The following UNC5D variants were observed in gnomAD, a reference collection of about 807,000 sequenced individuals.
UNC5D encodes netrin receptor UNC5D.
In UNC5D, 39 loss-of-function variants were observed where a neutral mutation model predicts 105.4. The ratio of observed to expected loss-of-function variants is 0.37; its 90% confidence interval spans 0.29 to 0.48. UNC5D has a LOEUF of 0.48. Among genes scored for constraint, UNC5D ranks in the 20% least tolerant of loss-of-function variants. The pLI, the probability that UNC5D is intolerant of heterozygous loss-of-function variation, is 0.98. For synonymous variants in UNC5D, 452 were observed against 450.4 expected (o/e 1.00, Z -0.04); for missense variants, 991 against 1,202.4 (o/e 0.82, Z 2.60).
rs79617262 is a variant in UNC5D at position 35,544,422 on chromosome 8, A to T, written c.104-4870A>T. On this transcript the variant is annotated intron_variant, in intron 1 of 16. Coordinates refer to ENST00000404895, the MANE Select transcript of UNC5D (RefSeq NM_080872.4). ...TAAGTAGGGATTGTTTAAAAAAAAA[A>T]GCTGTAATATGTTATCTGGGGGTGG... 4 of 1,606,672 alleles carry T rather than the reference A, an allele frequency of 2.5e-6. No individual in the cohort carries two copies. In the Admixed American group the frequency reaches 5.1e-5, roughly 21 times the overall value.
At chr8:35,459,109 A>G (rs753873534) in intron 1 of UNC5D, among the ~76,000 whole-genome samples, 7 of 151,992 alleles carry the variant, frequency 4.6e-5, no homozygotes, top group African/African-American at 1.4e-4. Flanking sequence ...TGATTGATGT[A>G]TTTTTCTTTT....
At chr8:35,782,653 G>A (rs1802556876) in intron 16 of UNC5D, among the ~76,000 whole-genome samples, 1 of 151,882 alleles carries the variant, frequency 6.6e-6, no homozygotes, top group South Asian at 2.1e-4. Flanking sequence ...ACAGGCGCCT[G>A]CCACCACAGC....
At chr8:35,535,495 A>G (rs1180673014) in intron 1 of UNC5D, among the ~76,000 whole-genome samples, 1 of 151,684 alleles carries the variant, frequency 6.6e-6, no homozygotes, top group Non-Finnish European at 1.5e-5. Context: ...ATCTTGAGGT[A>G]CAACAGCAGA....
intron 1 of UNC5D, among the ~76,000 whole-genome samples, chr8:35,247,522 C>CTA (rs1165778755): frequency 1.5e-4 from 18 of 118,576 alleles, no homozygotes; most frequent in South Asian, 2.4e-4. Flanking sequence ...CTCTCTCTCT[C>CTA]TATATATATA....
intron 1 of UNC5D, among the ~76,000 whole-genome samples, chr8:35,305,593 C>CTTTCTTTCTTTCTTTCT (rs1808306972): frequency 2.1e-5 from 3 of 142,010 alleles, no homozygotes; most frequent in African/African-American, 8.2e-5. Flanking sequence ...TTCTTTCTTT[C>CTTTCTTTCTTTCTTTCT]TTTCTTTCTT....
At chr8:35,630,967 T>A (rs957021478) in intron 4 of UNC5D, among the ~76,000 whole-genome samples, 22 of 152,332 alleles carry the variant, frequency 1.4e-4, no homozygotes, top group African/African-American at 3.8e-4. Context: ...TAAGACTAGG[T>A]TTTCTCCTTT....
intron 1 of UNC5D, among the ~76,000 whole-genome samples, chr8:35,319,214 C>A (rs1809529538): frequency 6.6e-6 from 1 of 152,062 alleles, no homozygotes; most frequent in Non-Finnish European, 1.5e-5. Flanking sequence ...GTAAAATATA[C>A]CCTTCAGGCA....
chr8:35,619,895 CAGTGTAGAG>C (rs1183495720), intron 4 of UNC5D, among the ~76,000 whole-genome samples: 10 of 152,150 alleles, frequency 6.6e-5, no homozygotes, highest in Non-Finnish European at 1.3e-4. Context: ...TTATGAGAGA[CAGTGTAGAG>C]AGTGTAGATG....
chr8:35,334,811 G>A (rs1298089607), intron 1 of UNC5D, among the ~76,000 whole-genome samples: 1 of 152,094 alleles, frequency 6.6e-6, no homozygotes, highest in African/African-American at 2.4e-5. Flanking sequence ...ACCACACCTG[G>A]CCTAAACTGT....
At chr8:35,724,157 A>G (rs1335658155) in intron 9 of UNC5D, 1 of 1,451,818 alleles carries the variant, frequency 6.9e-7, no homozygotes, top group African/African-American at 1.4e-5. Context: ...TGACTTGCCT[A>G]CACTTAAACT....
chr8:35,553,158 C>T (rs1169306347), intron 2 of UNC5D, among the ~76,000 whole-genome samples: 1 of 152,024 alleles, frequency 6.6e-6, no homozygotes, highest in African/African-American at 2.4e-5. Flanking sequence ...TCTTATATCC[C>T]TTCTCATATA....
chr8:35,601,782 GC>G (rs771233301), intron 4 of UNC5D, among the ~76,000 whole-genome samples: 57 of 152,140 alleles, frequency 3.7e-4, no homozygotes, highest in Middle Eastern at 3.4e-3. Context: ...CTAATTGAAT[GC>G]CCTTTATTTC....
intron 4 of UNC5D, among the ~76,000 whole-genome samples, chr8:35,605,356 G>T (rs541127649): frequency 1.3e-5 from 2 of 152,330 alleles, no homozygotes; most frequent in African/African-American, 4.8e-5. Context: ...CTGCAGAACA[G>T]CAGATGTTGG....
At chr8:35,520,063 GTT>G (rs1813358793) in intron 1 of UNC5D, among the ~76,000 whole-genome samples, 1 of 151,914 alleles carries the variant, frequency 6.6e-6, no homozygotes, top group African/African-American at 2.4e-5. Flanking sequence ...TTACACCTAG[GTT>G]ATACTCTACC....
At chr8:35,426,370 G>A in intron 1 of UNC5D, among the ~76,000 whole-genome samples, 1 of 151,940 alleles carries the variant, frequency 6.6e-6, no homozygotes, top group Non-Finnish European at 1.5e-5. Context: ...AGAGAATTAG[G>A]GAAAATAAAG....
chr8:35,479,354 ACTGTGGAGCCCT>A (rs1810324015), intron 1 of UNC5D, among the ~76,000 whole-genome samples: 1 of 152,180 alleles, frequency 6.6e-6, no homozygotes. Flanking sequence ...CAATCCCATG[ACTGTGGAGCCCT>A]CTATTAACAA....
chr8:35,395,635 T>G (rs1295861426), intron 1 of UNC5D, among the ~76,000 whole-genome samples: 2 of 152,220 alleles, frequency 1.3e-5, no homozygotes, highest in African/African-American at 2.4e-5. Flanking sequence ...CACTCTAAAC[T>G]GCTCAGAACT....
At chr8:35,269,391 G>A (rs1805114238) in intron 1 of UNC5D, among the ~76,000 whole-genome samples, 1 of 152,018 alleles carries the variant, frequency 6.6e-6, no homozygotes, top group African/African-American at 2.4e-5. Context: ...TACCTGTCTT[G>A]CTTACTCATT....
At chr8:35,498,084 CAAAAAAAAAAAAAAA>C (rs58175711) in intron 1 of UNC5D, among the ~76,000 whole-genome samples, 1,439 of 58,238 alleles carry the variant, frequency 0.025, 48 homozygotes, top group African/African-American at 0.061. Context: ...CAAAACAAAA[CAAAAAAAAAAAAAAA>C]AAAAAAAAAA....
Sources: allele counts gnomAD v4.1 joint callset (sites outside exome capture counted in the v4.1 genomes callset), GRCh38; gene constraint gnomAD v4.1.1; transcripts MANE v1.5; gene names NCBI Gene and HGNC (gene_info 2026-07-23, HGNC 2026-07-21).